KIF26B: variants seen among roughly 807,000 people sequenced by gnomAD.
KIF26B encodes kinesin-like protein KIF26B.
A neutral mutation model predicts 151.2 loss-of-function variants in KIF26B; 63 were observed. That is an observed-to-expected ratio of 0.42 (90% CI 0.34 to 0.51). KIF26B has a LOEUF of 0.51. Among genes scored for constraint, KIF26B ranks in the 20% least tolerant of loss-of-function variants. KIF26B has a pLI of 0.07. For missense variants in KIF26B, 2,813 were observed against 2,913.6 expected, an observed-to-expected ratio of 0.97 and a Z score of 0.79; for synonymous variants, 1,357 against 1,262.1, an observed-to-expected ratio of 1.08 and a Z score of -1.59.
chr1:245,447,474 C>G (rs1332057366), intron 4 of KIF26B, among the ~76,000 whole-genome samples: 2 of 152,000 alleles, frequency 1.3e-5, no homozygotes, highest in Non-Finnish European at 2.9e-5. Context: ...AAAGATGGAG[C>G]CTTTAGGAGG....
At chr1:245,628,779 C>T (rs938712907) in intron 9 of KIF26B, among the ~76,000 whole-genome samples, 3 of 152,102 alleles carry the variant, frequency 2.0e-5, no homozygotes, top group East Asian at 1.9e-4. Flanking sequence ...AGAAATAAAG[C>T]ATATTCAAAT....
At chr1:245,206,453 A>G (rs1669407990) in intron 2 of KIF26B, 1 of 152,238 alleles carries the variant, frequency 6.6e-6, no homozygotes, top group Admixed American at 6.5e-5. Context: ...ATAGAAGACA[A>G]TTGTTTAATC....
At chr1:245,347,731 C>T (rs1366079007) in intron 2 of KIF26B, among the ~76,000 whole-genome samples, 1 of 152,218 alleles carries the variant, frequency 6.6e-6, no homozygotes, top group African/African-American at 2.4e-5. Flanking sequence ...TATCTTTTAG[C>T]TGCCACCACT....
chr1:245,203,246 C>CAAAAAAAAAAAAA (rs562600864), intron 2 of KIF26B, among the ~76,000 whole-genome samples: 8 of 29,538 alleles, frequency 2.7e-4, no homozygotes, highest in East Asian at 9.7e-4. Flanking sequence ...GACTCTGTCT[C>CAAAAAAAAAAAAA]AAAAAAAAAA....
chr1:245,480,182 T>TG (rs777790805), intron 4 of KIF26B, among the ~76,000 whole-genome samples: 6 of 150,302 alleles, frequency 4.0e-5, no homozygotes, highest in Non-Finnish European at 8.9e-5. Context: ...GGGAGGCTGA[T>TG]GAGGGAGGAT....
intron 10 of KIF26B, among the ~76,000 whole-genome samples, chr1:245,680,110 T>C (rs2044413469): frequency 6.6e-6 from 1 of 151,778 alleles, no homozygotes; most frequent in Non-Finnish European, 1.5e-5. Flanking sequence ...GGAAACTCTT[T>C]TGAACCTTTC....
In KIF26B at chr1:245,292,669, G is replaced by A. The variant is rs545841203; in HGVS notation, c.466-74165G>A. 2.0e-4 allele frequency among the ~76,000 whole-genome samples: 31 copies of A among 152,288 alleles called. No individual in the cohort carries two copies. The South Asian group carries it at 3.3e-3, about 16-fold the overall frequency. On this transcript the variant is annotated intron_variant, in intron 2 of 14. Transcript: ENST00000407071. Reference sequence around the variant, plus strand: ...GTGACACAGAGGCCTTCCTTCTGGCGCTGTCTCCCGGGAGCATCTTCAGGC... The same window carrying A: ...GTGACACAGAGGCCTTCCTTCTGGCACTGTCTCCCGGGAGCATCTTCAGGC...
At chr1:245,478,547 C>T (rs562597944) in intron 4 of KIF26B, among the ~76,000 whole-genome samples, 6 of 150,904 alleles carry the variant, frequency 4.0e-5, no homozygotes, top group Non-Finnish European at 7.4e-5. Flanking sequence ...CCTGCCTCAG[C>T]CTCCCGAGTA....
At chr1:245,604,016 C>T (rs558720514) in intron 6 of KIF26B, among the ~76,000 whole-genome samples, 1 of 152,304 alleles carries the variant, frequency 6.6e-6, no homozygotes, top group East Asian at 1.9e-4. Flanking sequence ...CCTTTGGATT[C>T]ACCCTGGAGC....
At chr1:245,633,501 CTCTT>C (rs1301381303) in intron 9 of KIF26B, among the ~76,000 whole-genome samples, 1 of 151,724 alleles carries the variant, frequency 6.6e-6, no homozygotes, top group Non-Finnish European at 1.5e-5. Flanking sequence ...TGACTCCTTT[CTCTT>C]TCTCATTCGT....
chr1:245,476,077 A>G (rs1475154764), intron 4 of KIF26B, among the ~76,000 whole-genome samples: 1 of 151,916 alleles, frequency 6.6e-6, no homozygotes, highest in Non-Finnish European at 1.5e-5. Context: ...TTCGCCACAA[A>G]AAGGAATAAA....
chr1:245,493,185 TATCCTTTTAGGCA>T (rs1361434381), intron 4 of KIF26B, among the ~76,000 whole-genome samples: 2 of 152,180 alleles, frequency 1.3e-5, no homozygotes, highest in African/African-American at 4.8e-5. Context: ...GCCACGCCCC[TATCCTTTTAGGCA>T]ATCCTACAGC....
At chr1:245,178,759 T>C (rs1668854310) in intron 2 of KIF26B, among the ~76,000 whole-genome samples, 1 of 152,208 alleles carries the variant, frequency 6.6e-6, no homozygotes, top group South Asian at 2.1e-4. Context: ...TCAAGCCTGG[T>C]GTCACCTTAG....
At chr1:245,286,738 C>G (rs1437178250) in intron 2 of KIF26B, among the ~76,000 whole-genome samples, 1 of 152,082 alleles carries the variant, frequency 6.6e-6, no homozygotes, top group African/African-American at 2.4e-5. Flanking sequence ...TGAAAGATTC[C>G]TCACTTTATA....
chr1:245,181,657 C>T (rs559528977), intron 2 of KIF26B, among the ~76,000 whole-genome samples: 4 of 152,028 alleles, frequency 2.6e-5, no homozygotes, highest in Non-Finnish European at 4.4e-5. Context: ...GAAAACCTAG[C>T]GACAGGTTTC....
At position 245,705,148 on chromosome 1, in the gene KIF26B, C is replaced by T. The variant is rs145850259; in HGVS notation, c.*2542C>T. On this transcript the variant is annotated 3_prime_UTR_variant, in exon 15 of 15. Transcript: ENST00000407071. The stretch of plus-strand genomic sequence containing the variant: ...TGCTGTAACAAAAGGCGGAAGGAAA[C>T]CAAGAGTTCTCTTAGCAAGTCAGAC... 107 of 152,290 alleles carry T rather than the reference C, an allele frequency of 7.0e-4. No individual in the cohort carries two copies. Among genetic ancestry groups the T allele is most frequent in the African/African-American group, 2.6e-3 (106 of 41,560 alleles). 9.4% of individuals were successfully genotyped at this position (152,290 alleles called of 1,614,324 possible).
chr1:245,602,625 G>C lies in KIF26B; in HGVS notation c.1399G>C (p.Glu467Gln). Residue 467 changes from glutamate (E) to glutamine (Q), a missense_variant, in exon 6 of 15, where the codon GAA becomes CAA. By Grantham distance (29) the Glu-to-Gln change is conservative. Transcript: ENST00000407071. The surrounding 1 kb of genome is among the most constrained non-coding windows in gnomAD (Gnocchi z 4.5). ...TTCCACCTTGGCTCGAGATACTTCA[G>C]AATCCAGCTCTTTCTTAAAGGTGGA... ...ICSTLARDTSESSSFLKVDPR... is the reference protein window; with the variant it reads ...ICSTLARDTSQSSSFLKVDPR... 1 of 1,613,974 alleles carries C rather than the reference G, an allele frequency of 6.2e-7. No homozygotes were observed. Among genetic ancestry groups the C allele is most frequent in the Non-Finnish European group, 8.5e-7 (1 of 1,179,856 alleles).
chr1:245,554,423 A>G (rs1661970327), intron 5 of KIF26B, among the ~76,000 whole-genome samples: 1 of 152,176 alleles, frequency 6.6e-6, no homozygotes, highest in African/African-American at 2.4e-5. Flanking sequence ...CTGGTCATCC[A>G]TTGATTCATT....
intron 3 of KIF26B, among the ~76,000 whole-genome samples, chr1:245,370,409 C>T (rs964008913): frequency 6.6e-6 from 1 of 152,018 alleles, no homozygotes; most frequent in Non-Finnish European, 1.5e-5. Context: ...CTTTTGCACC[C>T]ACCTAATATA....
Sources: allele counts gnomAD v4.1 joint callset (sites outside exome capture counted in the v4.1 genomes callset), GRCh38; gene constraint gnomAD v4.1.1; non-coding constraint Gnocchi (gnomAD v3.1); transcripts MANE v1.5; gene names NCBI Gene and HGNC (gene_info 2026-07-23, HGNC 2026-07-21).